Variants in CEP170 observed in about 807,000 individuals in gnomAD.
The protein encoded by CEP170 is centrosomal protein of 170 kDa.
Under a neutral mutation model 151.9 loss-of-function variants are expected in CEP170, and 21 were observed. That is an observed-to-expected ratio of 0.14 (90% confidence interval 0.10 to 0.20). The LOEUF (loss-of-function observed/expected upper bound fraction) is 0.20. Among genes scored for constraint, CEP170 ranks in the 10% least tolerant of loss-of-function variants. The pLI is 1.00. For missense variants in CEP170, 964 were observed against 1,892.9 expected, an observed-to-expected ratio of 0.51 and a Z score of 9.11; for synonymous variants, 356 against 648.8, an observed-to-expected ratio of 0.55 and a Z score of 6.86.
At chr1:243,205,111 G>A (rs184571347) in intron 4 of CEP170, among the ~76,000 whole-genome samples, 2 of 152,286 alleles carry the variant, frequency 1.3e-5, no homozygotes, top group Admixed American at 1.3e-4. Context: ...GACTCCCTGA[G>A]TTGTGATGGA....
intron 10 of CEP170, among the ~76,000 whole-genome samples, chr1:243,178,346 A>G (rs2059393122): frequency 6.8e-6 from 1 of 148,002 alleles, no homozygotes; most frequent in Non-Finnish European, 1.5e-5. Flanking sequence ...GGAGTGAAGT[A>G]CTGATACAGG....
intron 1 of CEP170, among the ~76,000 whole-genome samples, chr1:243,230,435 T>C (rs2063639065): frequency 6.6e-6 from 1 of 152,188 alleles, no homozygotes; most frequent in African/African-American, 2.4e-5. Context: ...AGTTATTAGT[T>C]GAAGGTGTTA....
At chr1:243,196,893 A>T (rs2060690199) in intron 7 of CEP170, among the ~76,000 whole-genome samples, 1 of 152,122 alleles carries the variant, frequency 6.6e-6, no homozygotes, top group Non-Finnish European at 1.5e-5. Flanking sequence ...GTGTGTATTT[A>T]TGTCTGTGGG....
In CEP170 at chr1:243,200,639, A is replaced by T; in HGVS notation, c.375T>A (p.Ser125=). 1 of 1,542,210 alleles carries T rather than the reference A, an allele frequency of 6.5e-7. No individual in the cohort carries two copies. The highest frequency in any genetic ancestry group is 8.7e-7 in the Non-Finnish European group (1 of 1,145,376). ...FTIQLQLSQK[S]SESELSKSAS... ...CAGATTTGGATAATTCTGATTCTGA[A>T]GATTTTTGGGACAACTGAAGCTGAA... The change falls in exon 6 of 20, where the codon TCT becomes TCA. Residue 125 remains serine, a synonymous_variant. Coordinates refer to ENST00000366542, the MANE Select transcript of CEP170 (RefSeq NM_014812.3).
chr1:243,237,374 T>C (rs1200746072), intron 1 of CEP170, among the ~76,000 whole-genome samples: 1 of 152,210 alleles, frequency 6.6e-6, no homozygotes, highest in African/African-American at 2.4e-5. Context: ...TTTCATTTAA[T>C]TTTAATTCAT....
At chr1:243,146,162 T>G (rs2056462475) in intron 14 of CEP170, among the ~76,000 whole-genome samples, 1 of 152,226 alleles carries the variant, frequency 6.6e-6, no homozygotes, top group African/African-American at 2.4e-5. Flanking sequence ...GAATTAGCTT[T>G]TAATCCTTGT....
intron 13 of CEP170, 54 bp downstream of exon 13, chr1:243,164,230 G>A (rs1256113455): frequency 2.7e-5 from 36 of 1,311,858 alleles, no homozygotes; most frequent in Non-Finnish European, 3.4e-5. Context: ...AAAAAAAAAG[G>A]AGCCCCCAAA....
At position 243,170,785 on chromosome 1, in the gene CEP170, C is replaced by A. The variant is rs772623221; in HGVS notation, c.1717-1031G>T. ...CTCCAGCCTGGGTGACAGAGGGAGACTCCGTCTCAAAAAAACAGAATAGTA... is the reference window on the plus strand; with the variant it reads ...CTCCAGCCTGGGTGACAGAGGGAGAATCCGTCTCAAAAAAACAGAATAGTA... On this transcript the variant is annotated intron_variant, in intron 11 of 19. Coordinates refer to ENST00000366542, the MANE Select transcript of CEP170 (RefSeq NM_014812.3). Among the ~76,000 whole-genome samples, 124 of 152,308 alleles carry A rather than the reference C, an allele frequency of 8.1e-4. 2 individuals are homozygous for A. Among genetic ancestry groups the A allele is most frequent in the Non-Finnish European group, 1.4e-3 (92 of 68,016 alleles).
chr1:243,246,528 G>C (rs190505466), intron 1 of CEP170, among the ~76,000 whole-genome samples: 87 of 152,130 alleles, frequency 5.7e-4, no homozygotes, highest in African/African-American at 2.1e-3. Context: ...CACTGGGCCC[G>C]GCCTGTTGTT....
chr1:243,159,802 T>TGTGTGTGTGTGTGTGTGTGTGTGTGTG (rs58250126), intron 13 of CEP170, among the ~76,000 whole-genome samples: 91 of 150,976 alleles, frequency 6.0e-4, no homozygotes, highest in East Asian at 1.2e-3. Context: ...TGTGTGTGTG[T>TGTGTGTGTGTGTGTGTGTGTGTGTGTG]TTTTGAGATG....
chr1:243,191,153 C>T lies in CEP170; in HGVS notation c.973G>A (p.Gly325Arg). Residue 325 changes from glycine to arginine, a missense_variant, in exon 8 of 20, where the codon GGA becomes AGA. By Grantham distance (125) the Gly-to-Arg change is moderately radical (BLOSUM62 -2). Coordinates refer to ENST00000366542, the MANE Select transcript of CEP170 (RefSeq NM_014812.3). ...GTQDLLGIQT[G>R]MMAPENKVAD... The stretch of plus-strand genomic sequence containing the variant: ...ACTTTGTTTTCGGGTGCCATCATTC[C>T]TGTTTGAATCCCCAGCAAGTCTTGA... 1 of 1,612,958 alleles carries T rather than the reference C, an allele frequency of 6.2e-7. No individual in the cohort carries two copies. Among genetic ancestry groups the T allele is most frequent in the Non-Finnish European group, 8.5e-7 (1 of 1,179,396 alleles).
At chr1:243,214,280 GTTTTTTT>G (rs758433258) in intron 3 of CEP170, among the ~76,000 whole-genome samples, 2 of 100,546 alleles carry the variant, frequency 2.0e-5, no homozygotes, top group African/African-American at 7.2e-5. Flanking sequence ...AAGCTGTAAA[GTTTTTTT>G]TTTTTTTTTT....
At chr1:243,242,746 G>T (rs1266122054) in intron 1 of CEP170, among the ~76,000 whole-genome samples, 1 of 151,884 alleles carries the variant, frequency 6.6e-6, no homozygotes, top group Non-Finnish European at 1.5e-5. Flanking sequence ...TATCACCCAG[G>T]CTGGAGTGCA....
rs145346568 is a variant in CEP170 at position 243,128,539 on chromosome 1, A to C, written c.4414-239T>G. 3.3e-3 allele frequency: 1,501 copies of C among 452,002 alleles called. 25 individuals carry two copies. Among genetic ancestry groups the C allele is most frequent in the African/African-American group, 0.028 (1,374 of 48,350 alleles). 28.0% of individuals were successfully genotyped at this position (452,002 alleles called of 1,614,324 possible). On this transcript the variant is annotated intron_variant, in intron 18 of 19. Coordinates refer to ENST00000366542, the MANE Select transcript of CEP170 (RefSeq NM_014812.3). ...TTCAGTGAGATGATTGTAGCAGATG[A>C]AAAGTTTAACATTTACTACTATTTA... is the stretch of plus-strand genomic sequence containing the variant.
intron 7 of CEP170, among the ~76,000 whole-genome samples, chr1:243,197,652 C>G (rs12746953): frequency 0.3 from 46,159 of 151,770 alleles, 7,487 homozygotes; most frequent in South Asian, 0.47. Context: ...AGGGTAAACT[C>G]CTCAGTCTGC....
chr1:243,185,975 T>G lies in CEP170; in HGVS notation c.1370A>C (p.Gln457Pro), dbSNP rs1459516184. 5 of 1,613,746 alleles carry G rather than the reference T, an allele frequency of 3.1e-6. No homozygotes were observed. The highest frequency in any genetic ancestry group is 4.2e-6 in the Non-Finnish European group (5 of 1,179,716). ...CCCTGAACTTCTTAATAATGCAGTT[T>G]GTAGGAAGGGTATTGACACCGATGG... ...EEPSVSIPFL[Q>P]TALLRSSGSL... is the part of the protein sequence containing the mutation. The change falls in exon 10 of 20, where the codon CAA becomes CCA. Residue 457 changes from glutamine (Q) to proline (P), a missense_variant. By Grantham distance (76) the Gln-to-Pro change is moderately conservative (BLOSUM62 -1). Coordinates refer to ENST00000366542, the MANE Select transcript of CEP170 (RefSeq NM_014812.3). The surrounding 1 kb of genome is among the most constrained non-coding windows in gnomAD (Gnocchi z 4.9).
At chr1:243,129,589 T>C (rs2054132988) in intron 17 of CEP170, 136 bp from the exon 18 acceptor site, 2 of 708,928 alleles carry the variant, frequency 2.8e-6, no homozygotes, top group Non-Finnish European at 4.2e-6. Flanking sequence ...AAACTGAGAA[T>C]TAAAATACTA....
intron 1 of CEP170, among the ~76,000 whole-genome samples, chr1:243,250,603 T>TGACCAA (rs1470067535): frequency 1.3e-5 from 2 of 152,168 alleles, no homozygotes; most frequent in African/African-American, 4.8e-5. Context: ...CAAAACCCCA[T>TGACCAA]GACCAACATC....
In CEP170 at chr1:243,212,148, A is replaced by G. The variant is rs944485290; in HGVS notation, c.196-184T>C. Among the ~76,000 whole-genome samples, 7 of 152,334 alleles carry G rather than the reference A, an allele frequency of 4.6e-5. No individual in the cohort carries two copies. In the South Asian group the frequency reaches 1.5e-3, roughly 32 times the overall value. On this transcript the variant is annotated intron_variant, in intron 3 of 19. Coordinates refer to ENST00000366542, the MANE Select transcript of CEP170 (RefSeq NM_014812.3). ...TAAATGATTTTATACTAAGCCTTTTATCTCTCTTACTGGTAACACACAAAG... is the reference window on the plus strand; with the variant it reads ...TAAATGATTTTATACTAAGCCTTTTGTCTCTCTTACTGGTAACACACAAAG...
Sources: allele counts gnomAD v4.1 joint callset (sites outside exome capture counted in the v4.1 genomes callset), GRCh38; gene constraint gnomAD v4.1.1; non-coding constraint Gnocchi (gnomAD v3.1); transcripts MANE v1.5; gene names NCBI Gene and HGNC (gene_info 2026-07-23, HGNC 2026-07-21).